The following AGBL1 variants were observed in gnomAD, a reference collection of about 807,000 sequenced individuals.
AGBL1 encodes the protein AGBL carboxypeptidase 1, also known as cytosolic carboxypeptidase 4.
Under a neutral mutation model 118.9 loss-of-function variants are expected in AGBL1, and 130 were observed. The observed-to-expected ratio is 1.09, with a 90% CI of 0.95 to 1.26. The LOEUF (loss-of-function observed/expected upper bound fraction) is 1.26, where lower values mean the gene tolerates loss of function less well. Ranked by LOEUF, AGBL1 falls within the 50% of genes most tolerant of loss-of-function variation. The pLI is 0.00. For synonymous variants in AGBL1, 555 were observed against 478.9 expected, an observed-to-expected ratio of 1.16 and a Z score of -2.08; for missense variants, 1,584 against 1,298.1, an observed-to-expected ratio of 1.22 and a Z score of -3.38.
chr15:86,651,546 G>A (rs1348922745), intron 21 of AGBL1, among the ~76,000 whole-genome samples: 4 of 152,102 alleles, frequency 2.6e-5, no homozygotes, highest in Non-Finnish European at 4.4e-5. Flanking sequence ...GAGTTATTTG[G>A]CATATACAAT....
intron 22 of AGBL1, among the ~76,000 whole-genome samples, chr15:86,706,011 A>G (rs1160738512): frequency 6.6e-6 from 1 of 152,164 alleles, no homozygotes; most frequent in African/African-American, 2.4e-5. Flanking sequence ...TAAGTACCAA[A>G]TGCAATAATT....
rs77677539 is a variant in AGBL1, at chr15:86,224,803, G to A, written c.489-111G>A. 4.5e-3 allele frequency: 4,369 copies of A among 980,432 alleles called. 139 individuals are homozygous for A. In the African/African-American group the frequency reaches 0.06, roughly 13 times the overall value. 60.7% of individuals were successfully genotyped at this position (980,432 alleles called of 1,614,324 possible). ...CAATCAATAGATTGCCTGCTACCTG[G>A]TTAATCATGGGTCTGTTATGGGGTG... is the stretch of plus-strand genomic sequence containing the variant. On this transcript the variant is annotated intron_variant, in intron 5 of 22. Transcript: ENST00000614907.
intron 22 of AGBL1, among the ~76,000 whole-genome samples, chr15:86,732,867 A>C (rs1237967899): frequency 1.3e-5 from 2 of 151,354 alleles, no homozygotes; most frequent in African/African-American, 2.4e-5. Flanking sequence ...AACCAATAAG[A>C]TATATATAGA....
intron 21 of AGBL1, among the ~76,000 whole-genome samples, chr15:86,586,992 G>A (rs1010658753): frequency 2.6e-5 from 4 of 152,140 alleles, no homozygotes; most frequent in Non-Finnish European, 5.9e-5. Flanking sequence ...AGGCCCCTTA[G>A]AAAGGCATAT....
chr15:86,202,538 A>G (rs2077924033), intron 5 of AGBL1, among the ~76,000 whole-genome samples: 1 of 152,230 alleles, frequency 6.6e-6, no homozygotes, highest in Admixed American at 6.5e-5. Context: ...AAATGAGTGA[A>G]TAAGGACCTT....
intron 23 of AGBL1, among the ~76,000 whole-genome samples, chr15:86,926,440 C>A (rs904480810): frequency 5.3e-5 from 8 of 152,128 alleles, no homozygotes; most frequent in South Asian, 2.1e-4. Flanking sequence ...ATGTAAACAA[C>A]CTCCTTTTAA....
In AGBL1 at chr15:86,143,803, C is replaced by T. The variant is rs2076996793; in HGVS notation, c.220C>T (p.Leu74Phe). ...GACAGCTCCTCCAGACTATGACATC[C>T]TCCTGCCTCTCTTCCGGCTGCTGGC... is the stretch of plus-strand genomic sequence containing the variant. Reference protein sequence around the residue: ...ARTAPPDYDILLPLFRLLAKV... With the variant: ...ARTAPPDYDIFLPLFRLLAKV... Residue 74 changes from leucine (L) to phenylalanine (F), a missense_variant, in exon 3 of 23, where the codon CTC (leucine) becomes TTC (phenylalanine). Physicochemically the swap from Leu to Phe is conservative, Grantham distance 22. Transcript: ENST00000614907. The T allele has an allele frequency of 2.5e-6, 4 of 1,613,778 alleles. No individual in the cohort carries two copies. Among genetic ancestry groups the T allele is most frequent in the Non-Finnish European group, 2.5e-6 (3 of 1,179,816 alleles).
At chr15:86,916,245 A>C (rs2141611898), downstream of AGBL1, 1 of 152,306 alleles carries the variant, frequency 6.6e-6, no homozygotes, top group Non-Finnish European at 1.5e-5. Context: ...TGGGAACTGA[A>C]GCGTGTCCCT....
At chr15:86,825,331 CACTT>C (rs1194385580) in intron 22 of AGBL1, among the ~76,000 whole-genome samples, 1 of 113,462 alleles carries the variant, frequency 8.8e-6, no homozygotes, top group Admixed American at 1.2e-4. Flanking sequence ...CAATATTAAA[CACTT>C]TCTTTTTTGT....
intron 23 of AGBL1, among the ~76,000 whole-genome samples, chr15:86,952,813 G>A (rs1273844759): frequency 6.6e-6 from 1 of 152,078 alleles, no homozygotes; most frequent in Admixed American, 6.6e-5. Flanking sequence ...AGAGTTTGAG[G>A]TCTCACATTT....
chr15:86,258,410 T>A (rs2078931551), intron 9 of AGBL1, among the ~76,000 whole-genome samples: 1 of 152,178 alleles, frequency 6.6e-6, no homozygotes, highest in South Asian at 2.1e-4. Flanking sequence ...ACTCTTCTTA[T>A]CCTTTCTGCA....
rs146413718 is a variant in AGBL1 at position 86,805,991 on chromosome 15, C to T, written c.3159-101096C>T. On this transcript the variant is annotated intron_variant, in intron 22 of 22. Transcript: ENST00000614907. ...TCTATGCTGATTTCAGGGGCTCTTT[C>T]CCCAGAGACTTTTTCCTGCCAAGAA... is the stretch of plus-strand genomic sequence containing the variant. 5.5e-4 allele frequency among the ~76,000 whole-genome samples: 84 copies of T among 152,246 alleles called. 1 individual carries two copies. The highest frequency in any genetic ancestry group is 1.0e-3 in the Non-Finnish European group (69 of 68,022).
At chr15:86,966,714 C>G (rs1236479809) in intron 23 of AGBL1, among the ~76,000 whole-genome samples, 2 of 152,084 alleles carry the variant, frequency 1.3e-5, no homozygotes, top group Non-Finnish European at 2.9e-5. Flanking sequence ...TTTTCTTAAT[C>G]CAGTCTATCA....
chr15:86,372,013 C>T (rs1567222703), intron 17 of AGBL1, among the ~76,000 whole-genome samples: 1 of 152,216 alleles, frequency 6.6e-6, no homozygotes, highest in Non-Finnish European at 1.5e-5. Context: ...GCCTCCCCAC[C>T]CTCCCAGCAT....
At chr15:86,466,407 G>A (rs1312038134) in intron 18 of AGBL1, among the ~76,000 whole-genome samples, 1 of 152,138 alleles carries the variant, frequency 6.6e-6, no homozygotes, top group Non-Finnish European at 1.5e-5. Flanking sequence ...CTTTTATCAA[G>A]GTTCTTAGCT....
intron 17 of AGBL1, among the ~76,000 whole-genome samples, chr15:86,332,189 G>A (rs868697967): frequency 6.6e-6 from 1 of 152,108 alleles, no homozygotes; most frequent in Non-Finnish European, 1.5e-5. Flanking sequence ...GATGATAAAG[G>A]GTTCAATTCA....
At chr15:86,453,622 T>A (rs1169627290) in intron 18 of AGBL1, among the ~76,000 whole-genome samples, 1 of 152,218 alleles carries the variant, frequency 6.6e-6, no homozygotes, top group Non-Finnish European at 1.5e-5. Flanking sequence ...TTTAGAGTTT[T>A]CTCATCCGTA....
At position 86,522,831 on chromosome 15, in the gene AGBL1, G is replaced by C; in HGVS notation, c.2577G>C (p.Gly859=). ...GTAGCCACAGATGCTCACTGAGCGG[G>C]GAAGATTTGAACAGACAATGGCTTT... ...INGNHRCSLS[G]EDLNRQWLSP... The change falls in exon 19 of 23, where the codon GGG becomes GGC. Residue 859 remains glycine, a synonymous_variant. Transcript: ENST00000614907. The C allele has an allele frequency of 2.5e-6, 4 of 1,613,740 alleles. No individual in the cohort carries two copies. Among genetic ancestry groups the C allele is most frequent in the Non-Finnish European group, 3.4e-6 (4 of 1,179,692 alleles).
intron 22 of AGBL1, among the ~76,000 whole-genome samples, chr15:86,745,231 T>C (rs1164693189): frequency 2.0e-5 from 3 of 152,096 alleles, no homozygotes; most frequent in Non-Finnish European, 4.4e-5. Context: ...GGTCTTAGTA[T>C]GTGATGGGCA....
Sources: allele counts gnomAD v4.1 joint callset (sites outside exome capture counted in the v4.1 genomes callset), GRCh38; gene constraint gnomAD v4.1.1; transcripts MANE v1.5; gene names NCBI Gene and HGNC (gene_info 2026-07-23, HGNC 2026-07-21).